Variants in LBR observed in about 807,000 individuals in gnomAD.
LBR encodes lamin B receptor.
LBR carries 28 observed loss-of-function variants against 74.3 expected under a neutral mutation model. That is an observed-to-expected ratio of 0.38 (90% CI 0.28 to 0.52). The LOEUF is 0.52. Among genes scored for constraint, LBR ranks in the 20% least tolerant of loss-of-function variants. LBR has a pLI of 0.89. For synonymous variants in LBR, 228 were observed against 269.3 expected, an observed-to-expected ratio of 0.85 and a Z score of 1.50; for missense variants, 717 against 760.3, an observed-to-expected ratio of 0.94 and a Z score of 0.67.
chr1:225,411,741 C>T (rs1191665806), intron 8 of LBR, among the ~76,000 whole-genome samples: 2 of 152,188 alleles, frequency 1.3e-5, no homozygotes, highest in South Asian at 4.1e-4. Context: ...TTTAGATAGG[C>T]GACATTTTTT....
chr1:225,416,094 A>G (rs2096116476), intron 6 of LBR, among the ~76,000 whole-genome samples: 1 of 152,044 alleles, frequency 6.6e-6, no homozygotes, highest in Non-Finnish European at 1.5e-5. Flanking sequence ...CTGTGGTCCC[A>G]GCTACTCGGG....
chr1:225,413,834 C>T (rs766579484), intron 7 of LBR: 19 of 384,790 alleles, frequency 4.9e-5, no homozygotes, highest in South Asian at 3.6e-4. Flanking sequence ...AAGGATCAAG[C>T]AACTTGGCCA....
intron 8 of LBR, 138 bp downstream of exon 8, chr1:225,412,316 T>G (rs2096107568): frequency 3.9e-6 from 3 of 766,952 alleles, no homozygotes; most frequent in Non-Finnish European, 6.7e-6. Flanking sequence ...AACGTTTTTC[T>G]TCATCTTTTC....
At position 225,411,432 on chromosome 1, in the gene LBR, C is replaced by T. The variant is rs1385535432; in HGVS notation, c.1093G>A (p.Val365Ile). Residue 365 changes from valine to isoleucine, a missense_variant, in exon 9 of 14, where the codon GTC (valine) becomes ATC (isoleucine). Physicochemically the swap from Val to Ile is conservative, Grantham distance 29. Coordinates refer to ENST00000272163, the MANE Select transcript of LBR (RefSeq NM_002296.4). ...DLSPASSGNA[V>I]YDFFIGRELN... ...TCACGGCCAATGAAGAAATCATAGA[C>T]AGCATTTCCTGAGAAAGGAAAAGTG... 1 of 1,612,174 alleles carries T rather than the reference C, an allele frequency of 6.2e-7. No individual in the cohort carries two copies.
At chr1:225,410,209 T>C (rs889826789) in intron 10 of LBR, 82 bp downstream of exon 10, 147 of 1,600,224 alleles carry the variant, frequency 9.2e-5, no homozygotes, top group Non-Finnish European at 9.8e-5. Flanking sequence ...TCACTTTGTG[T>C]GCAAGAAGCC....
intron 6 of LBR, among the ~76,000 whole-genome samples, chr1:225,416,175 C>A (rs1385592452): frequency 1.4e-5 from 2 of 146,856 alleles, no homozygotes; most frequent in Admixed American, 6.8e-5. Context: ...CCAGCCTGGG[C>A]AACAGAGCAA....
chr1:225,423,874 C>T (rs1305847462), intron 2 of LBR, 37 bp downstream of exon 2: 1 of 1,582,474 alleles, frequency 6.3e-7, no homozygotes, highest in Non-Finnish European at 8.7e-7. Flanking sequence ...TTCCCACTTA[C>T]TGTAAACACA....
rs530277815 is a variant in LBR, at chr1:225,407,485, T to C, written c.1315-653A>G. ...TAAGCTGCCTGGCAACATGGTGAACTGACAGCTTCGCTTCTCATGTAAATT... is the reference window on the plus strand; with the variant it reads ...TAAGCTGCCTGGCAACATGGTGAACCGACAGCTTCGCTTCTCATGTAAATT... On this transcript the variant is annotated intron_variant, in intron 10 of 13. Transcript: ENST00000272163. Among the ~76,000 whole-genome samples the C allele has an allele frequency of 9.8e-5, 15 of 152,378 alleles. No homozygotes were observed. The South Asian group carries it at 3.1e-3, about 32-fold the overall frequency.
Position 225,406,819 on chromosome 1 carries a change from G to A in LBR, c.1328C>T (p.Thr443Met), listed in dbSNP as rs531565954. The change falls in exon 11 of 14, where the codon ACG becomes ATG. Residue 443 changes from threonine to methionine, a missense_variant. Thr to Met is a moderately conservative substitution (Grantham distance 81). Coordinates refer to ENST00000272163, the MANE Select transcript of LBR (RefSeq NM_002296.4). ...DALWNEEALLTTMDIIHDGFG... is the reference protein window; with the variant it reads ...DALWNEEALLMTMDIIHDGFG... Reference sequence around the variant, plus strand: ...TCCATCGTGGATGATGTCCATGGTCGTCAACAACGCTTCCTATAAGGATAC... The same window carrying A: ...TCCATCGTGGATGATGTCCATGGTCATCAACAACGCTTCCTATAAGGATAC... 61 of 1,614,174 alleles carry A rather than the reference G, an allele frequency of 3.8e-5. No individual in the cohort carries two copies. In the South Asian group the frequency reaches 5.4e-4, roughly 14 times the overall value.
chr1:225,426,516 C>T (rs745550254), intron 1 of LBR, among the ~76,000 whole-genome samples: 77 of 152,226 alleles, frequency 5.1e-4, no homozygotes, highest in Non-Finnish European at 8.5e-4. Flanking sequence ...TGCCCGCTAA[C>T]TTCAGAGTCA....
At chr1:225,423,053 T>C (rs1305752146) in intron 2 of LBR, among the ~76,000 whole-genome samples, 1 of 152,202 alleles carries the variant, frequency 6.6e-6, no homozygotes, top group African/African-American at 2.4e-5. Context: ...GCACTCGAAG[T>C]GTCATCCTCA....
In LBR at chr1:225,404,501, C is replaced by T. The variant is rs766271949; in HGVS notation, c.1590G>A (p.Thr530=). ...LAHLKTIHTS[T]GKNLLVSGWW... is the part of the protein sequence containing the mutation. ...ATCCAGAAACTAGAAGATTTTTTCCCGTTGAAGTATGAATGGTTTTTAAAT... is the reference window on the plus strand; with the variant it reads ...ATCCAGAAACTAGAAGATTTTTTCCTGTTGAAGTATGAATGGTTTTTAAAT... Residue 530 remains threonine, a synonymous_variant, in exon 13 of 14, where the codon ACG becomes ACA. Transcript: ENST00000272163. 13 of 1,612,614 alleles carry T rather than the reference C, an allele frequency of 8.1e-6. No homozygotes were observed. The highest frequency in any genetic ancestry group is 1.7e-5 in the Admixed American group (1 of 59,972).
chr1:225,406,515 AG>A (rs2150945098), intron 11 of LBR, 148 bp downstream of exon 11: 1 of 672,712 alleles, frequency 1.5e-6, no homozygotes, highest in Admixed American at 3.1e-5. Context: ...TGCAAAATGC[AG>A]ATTTTTTATT....
chr1:225,425,946 C>G (rs1396468042), intron 1 of LBR, among the ~76,000 whole-genome samples: 1 of 152,234 alleles, frequency 6.6e-6, no homozygotes, highest in Middle Eastern at 3.2e-3. Context: ...TGGCATCTTT[C>G]CATTGCACTT....
rs922480181 is a variant in LBR, at chr1:225,402,776, T to C, written c.*527A>G. On this transcript the variant is annotated 3_prime_UTR_variant, in exon 14 of 14. Coordinates refer to ENST00000272163, the MANE Select transcript of LBR (RefSeq NM_002296.4). ...TCCTTTAAGCAGTGTCTGCTAATAA[T>C]GTCATCACTTTTCACTTTCAGCATT... The C allele has an allele frequency of 6.4e-6, 1 of 156,684 alleles. No homozygotes were observed. Among genetic ancestry groups the C allele is most frequent in the African/African-American group, 2.4e-5 (1 of 41,492 alleles). 9.7% of individuals were successfully genotyped at this position (156,684 alleles called of 1,614,324 possible).
chr1:225,428,696 T>G (rs921376558), upstream of LBR: 2 of 152,124 alleles, frequency 1.3e-5, no homozygotes, highest in African/African-American at 4.8e-5. Context: ...CGAGGGCTCC[T>G]ACGACTTACG....
chr1:225,425,323 A>G (rs1176364358), intron 1 of LBR, among the ~76,000 whole-genome samples: 1 of 152,174 alleles, frequency 6.6e-6, no homozygotes, highest in Non-Finnish European at 1.5e-5. Flanking sequence ...GTTTACAGAG[A>G]TGGCAGCTAG....
intron 1 of LBR, among the ~76,000 whole-genome samples, chr1:225,427,057 C>T (rs2096140795): frequency 6.6e-6 from 1 of 152,260 alleles, no homozygotes; most frequent in South Asian, 2.1e-4. Flanking sequence ...CCTGTTCACC[C>T]TGGCACTGCC....
At chr1:225,419,604 G>A in intron 4 of LBR, 111 bp downstream of exon 4, 2 of 1,036,954 alleles carry the variant, frequency 1.9e-6, no homozygotes, top group Non-Finnish European at 2.9e-6. Context: ...CAGAATTTTA[G>A]AACAGGTTAT....
Sources: allele counts gnomAD v4.1 joint callset (sites outside exome capture counted in the v4.1 genomes callset), GRCh38; gene constraint gnomAD v4.1.1; transcripts MANE v1.5; gene names NCBI Gene and HGNC (gene_info 2026-07-23, HGNC 2026-07-21).